FAM107B: variants seen among roughly 807,000 people sequenced by gnomAD.
The protein encoded by FAM107B is protein FAM107B.
Under a neutral mutation model 31.5 loss-of-function variants are expected in FAM107B, and 21 were observed. The observed-to-expected ratio is 0.67, with a 90% confidence interval of 0.47 to 0.96. The LOEUF (loss-of-function observed/expected upper bound fraction) is 0.96. FAM107B is among the 40% of genes least tolerant of loss of function. The pLI, the probability that FAM107B is intolerant of heterozygous loss-of-function variation, is 0.00. For synonymous variants in FAM107B, 157 were observed against 141.5 expected (o/e 1.11, Z -0.78); for missense variants, 452 against 377.1 (o/e 1.20, Z -1.64).
chr10:14,553,417 T>C, intron 2 of FAM107B: 1 of 1,206,722 alleles, frequency 8.3e-7, no homozygotes, highest in African/African-American at 1.6e-5. Flanking sequence ...TGAAAGTCAG[T>C]TAACAAGTTT....
intron 2 of FAM107B, among the ~76,000 whole-genome samples, chr10:14,590,004 C>T (rs1851964513): frequency 1.3e-5 from 2 of 152,154 alleles, no homozygotes; most frequent in East Asian, 3.8e-4. Flanking sequence ...ATGTAAGAAG[C>T]ATTTAACATG....
At chr10:14,543,706 A>AG in intron 2 of FAM107B, among the ~76,000 whole-genome samples, 1 of 151,938 alleles carries the variant, frequency 6.6e-6, no homozygotes, top group Middle Eastern at 3.4e-3. Context: ...AAAAAAAAAA[A>AG]AAACCAAAAA....
chr10:14,535,839 C>A (rs980786452), intron 2 of FAM107B, among the ~76,000 whole-genome samples: 1 of 152,242 alleles, frequency 6.6e-6, no homozygotes, highest in African/African-American at 2.4e-5. Flanking sequence ...CTGAGCAACA[C>A]ACGGAAGTCA....
At chr10:14,583,464 T>C (rs1329644815) in intron 2 of FAM107B, among the ~76,000 whole-genome samples, 1 of 152,144 alleles carries the variant, frequency 6.6e-6, no homozygotes, top group Non-Finnish European at 1.5e-5. Flanking sequence ...AAGCTCACCT[T>C]AGCGGGAAGT....
intron 2 of FAM107B, among the ~76,000 whole-genome samples, chr10:14,599,543 C>T (rs1257466264): frequency 6.6e-6 from 1 of 152,170 alleles, no homozygotes; most frequent in East Asian, 1.9e-4. Flanking sequence ...GGGCTCACGT[C>T]TATAATCCCA....
intron 2 of FAM107B, among the ~76,000 whole-genome samples, chr10:14,597,586 G>A (rs141693745): frequency 6.6e-6 from 1 of 152,340 alleles, no homozygotes; most frequent in Non-Finnish European, 1.5e-5. Context: ...GGGGACAAGG[G>A]ACAAAGCTCC....
intron 1 of FAM107B, among the ~76,000 whole-genome samples, chr10:14,700,946 T>C (rs1251022483): frequency 1.3e-5 from 2 of 150,418 alleles, no homozygotes; most frequent in Non-Finnish European, 3.0e-5. Context: ...GCCCCTGGGG[T>C]GCTGTAATCC....
chr10:14,742,466 G>A (rs1832636673), intron 1 of FAM107B, among the ~76,000 whole-genome samples: 1 of 152,164 alleles, frequency 6.6e-6, no homozygotes, highest in Non-Finnish European at 1.5e-5. Flanking sequence ...CATTATTAAT[G>A]CTGCTTGCAG....
At chr10:14,677,493 C>T (rs948719372) in intron 1 of FAM107B, among the ~76,000 whole-genome samples, 48 of 152,196 alleles carry the variant, frequency 3.2e-4, no homozygotes, top group Non-Finnish European at 5.0e-4. Context: ...TGGTGGTGGG[C>T]GCCTGTAGTC....
chr10:14,534,574 C>A (rs988691148), intron 2 of FAM107B, among the ~76,000 whole-genome samples: 5 of 152,206 alleles, frequency 3.3e-5, no homozygotes, highest in African/African-American at 1.2e-4. Flanking sequence ...TCACACCCCG[C>A]CTTCCCTCCA....
intron 2 of FAM107B, among the ~76,000 whole-genome samples, chr10:14,599,759 C>T (rs1852310602): frequency 1.4e-5 from 2 of 147,488 alleles, no homozygotes; most frequent in South Asian, 2.2e-4. Flanking sequence ...AGAACATACA[C>T]ACTCAACACA....
intron 2 of FAM107B, among the ~76,000 whole-genome samples, chr10:14,589,037 C>T (rs1213602411): frequency 1.3e-5 from 2 of 151,550 alleles, no homozygotes; most frequent in South Asian, 4.2e-4. Context: ...CAAAAATTAG[C>T]CGGGTGTGGT....
At chr10:14,571,787 T>C in intron 2 of FAM107B, 1 of 985,476 alleles carries the variant, frequency 1.0e-6, no homozygotes, top group Non-Finnish European at 1.2e-6. Flanking sequence ...TTCTTGTTTA[T>C]GTTTTAATCA....
intron 1 of FAM107B, among the ~76,000 whole-genome samples, chr10:14,752,354 C>A (rs1465250929): frequency 6.6e-6 from 1 of 152,238 alleles, no homozygotes; most frequent in Admixed American, 6.5e-5. Flanking sequence ...GGAAGGCATC[C>A]AGCTTTGCAG....
intron 2 of FAM107B, among the ~76,000 whole-genome samples, chr10:14,549,880 G>T (rs751606185): frequency 1.4e-4 from 21 of 152,132 alleles, no homozygotes; most frequent in Non-Finnish European, 2.4e-4. Flanking sequence ...TCCTGCAAGT[G>T]AGCATCCTAC....
At chr10:14,740,000 T>C (rs1856399515) in intron 1 of FAM107B, among the ~76,000 whole-genome samples, 2 of 152,228 alleles carry the variant, frequency 1.3e-5, no homozygotes, top group Admixed American at 1.3e-4. Flanking sequence ...GCAACAGGAA[T>C]GCTCATTCAC....
At chr10:14,687,912 G>GCGCAATCA (rs1239889519) in intron 1 of FAM107B, among the ~76,000 whole-genome samples, 3 of 152,298 alleles carry the variant, frequency 2.0e-5, no homozygotes, top group African/African-American at 7.2e-5. Context: ...TGGTAATACT[G>GCGCAATCA]AGTATCAACT....
At chr10:14,618,979 C>T (rs1042849408) in intron 2 of FAM107B, among the ~76,000 whole-genome samples, 1 of 152,028 alleles carries the variant, frequency 6.6e-6, no homozygotes, top group Admixed American at 6.6e-5. Flanking sequence ...CTTGTGACAA[C>T]AGGGGCAGAG....
intron 2 of FAM107B, among the ~76,000 whole-genome samples, chr10:14,541,349 G>A (rs770503342): frequency 6.6e-6 from 1 of 152,142 alleles, no homozygotes; most frequent in Non-Finnish European, 1.5e-5. Flanking sequence ...CCCCCTTCTC[G>A]ATAGTGGAGT....
Sources: allele counts gnomAD v4.1 joint callset (sites outside exome capture counted in the v4.1 genomes callset), GRCh38; gene constraint gnomAD v4.1.1; transcripts MANE v1.5; gene names NCBI Gene and HGNC (gene_info 2026-07-23, HGNC 2026-07-21).